The following PIEZO2 variants were observed in gnomAD, a reference collection of about 807,000 sequenced individuals.
PIEZO2 encodes the protein piezo-type mechanosensitive ion channel component 2.
Under a neutral mutation model 337.3 loss-of-function variants are expected in PIEZO2, and 172 were observed. The observed-to-expected ratio is 0.51, with a 90% CI of 0.45 to 0.58. The LOEUF (loss-of-function observed/expected upper bound fraction) is 0.58, where lower values mean the gene tolerates loss of function less well. Among genes scored for constraint, PIEZO2 ranks in the 20% least tolerant of loss-of-function variants. The pLI is 0.00. For synonymous variants in PIEZO2, 1,251 were observed against 1,228.5 expected (o/e 1.02, Z -0.38); for missense variants, 3,028 against 3,391.3 (o/e 0.89, Z 2.66).
At chr18:10,704,987 G>T (rs112589577) in intron 41 of PIEZO2, among the ~76,000 whole-genome samples, 3 of 152,112 alleles carry the variant, frequency 2.0e-5, no homozygotes, top group Non-Finnish European at 2.9e-5. Context: ...CACTGCGCCC[G>T]GCCATGCCTT....
In PIEZO2 at chr18:10,766,188, G is replaced by T. The variant is rs1200023544; in HGVS notation, c.2947-3090C>A. Reference sequence around the variant, plus strand: ...TCATGATCTCATCATTTTCCTGATGGTAAGAATCTCGTGGAAGGAAAGAAG... The same window carrying T: ...TCATGATCTCATCATTTTCCTGATGTTAAGAATCTCGTGGAAGGAAAGAAG... On this transcript the variant is annotated intron_variant, in intron 21 of 55. Transcript: ENST00000674853. The surrounding 1 kb of genome is among the most constrained non-coding windows in gnomAD (Gnocchi z 6.1). 2.0e-5 allele frequency among the ~76,000 whole-genome samples: 3 copies of T among 151,616 alleles called. No individual in the cohort carries two copies. The highest frequency in any genetic ancestry group is 2.4e-5 in the African/African-American group (1 of 41,268).
Position 11,047,408 on chromosome 18 carries a change from C to T in PIEZO2, c.160+18719G>A, listed in dbSNP as rs901432789. On this transcript the variant is annotated intron_variant, in intron 2 of 55. Transcript: ENST00000674853. The surrounding 1 kb of genome is among the most constrained non-coding windows in gnomAD (Gnocchi z 7.2). ...AGTGCAGCAAAGGCTCCTGCCTATC[C>T]CACAAGACGGCCCGGGGGAATTGTC... Among the ~76,000 whole-genome samples, 7 of 152,118 alleles carry T rather than the reference C, an allele frequency of 4.6e-5. No individual in the cohort carries two copies. The highest frequency in any genetic ancestry group is 1.4e-4 in the African/African-American group (6 of 41,410).
intron 2 of PIEZO2, among the ~76,000 whole-genome samples, chr18:11,018,381 T>TGGTG (rs2036195919): frequency 1.0e-5 from 1 of 97,190 alleles, no homozygotes; most frequent in African/African-American, 3.8e-5. Flanking sequence ...TCCCAACATG[T>TGGTG]CGTGTGTGTG....
chr18:10,704,138 T>G (rs1213862312), intron 42 of PIEZO2, among the ~76,000 whole-genome samples: 1 of 152,202 alleles, frequency 6.6e-6, no homozygotes, highest in Non-Finnish European at 1.5e-5. Flanking sequence ...TGTCCTTATC[T>G]GTTAAATGGG....
rs545373512 is a variant in PIEZO2, at chr18:10,973,944, G to A, written c.286+5591C>T. Among the ~76,000 whole-genome samples, 1 of 152,300 alleles carries A rather than the reference G, an allele frequency of 6.6e-6. No homozygotes were observed. Among genetic ancestry groups the A allele is most frequent in the African/African-American group, 2.4e-5 (1 of 41,566 alleles). Reference sequence around the variant, plus strand: ...CATTTGTGTGAGAATGGAATTATTTGTATGAGGATGGATCCACCAGGTGAT... The same window carrying A: ...CATTTGTGTGAGAATGGAATTATTTATATGAGGATGGATCCACCAGGTGAT... On this transcript the variant is annotated intron_variant, in intron 3 of 55. Transcript: ENST00000674853. The surrounding 1 kb of genome is among the most constrained non-coding windows in gnomAD (Gnocchi z 4.9).
chr18:10,802,987 A>AC (rs1300322101), intron 9 of PIEZO2, among the ~76,000 whole-genome samples: 1 of 151,662 alleles, frequency 6.6e-6, no homozygotes, highest in Non-Finnish European at 1.5e-5. Flanking sequence ...AAAAAAAAAA[A>AC]AGGTATTTTA....
intron 7 of PIEZO2, among the ~76,000 whole-genome samples, chr18:10,838,325 A>C (rs1039396617): frequency 6.6e-6 from 1 of 152,184 alleles, no homozygotes; most frequent in East Asian, 1.9e-4. Flanking sequence ...TTTCCATGCC[A>C]AACCCATAGA....
intron 4 of PIEZO2, among the ~76,000 whole-genome samples, chr18:10,884,420 T>C (rs569183755): frequency 1.3e-5 from 2 of 152,332 alleles, no homozygotes; most frequent in Admixed American, 6.5e-5. Context: ...CCAACCCTAG[T>C]TATTCTTATA....
intron 2 of PIEZO2, among the ~76,000 whole-genome samples, chr18:11,061,203 CA>C (rs1162190694): frequency 2.0e-4 from 30 of 152,128 alleles, no homozygotes; most frequent in African/African-American, 6.7e-4. Flanking sequence ...CAAAATTCAA[CA>C]ACCCTTCATG....
intron 3 of PIEZO2, among the ~76,000 whole-genome samples, chr18:10,951,433 A>G (rs967601503): frequency 1.3e-5 from 2 of 152,132 alleles, no homozygotes; most frequent in South Asian, 4.1e-4. Context: ...TCTGCCTCCA[A>G]TGCCCAAATC....
At position 11,101,877 on chromosome 18, in the gene PIEZO2, G is replaced by A. The variant is rs1328789510; in HGVS notation, c.65-35655C>T. Among the ~76,000 whole-genome samples the A allele has an allele frequency of 6.6e-6, 1 of 152,126 alleles. No homozygotes were observed. The highest frequency in any genetic ancestry group is 2.4e-5 in the African/African-American group (1 of 41,412). On this transcript the variant is annotated intron_variant, in intron 1 of 55. Transcript: ENST00000674853. This position sits in a 1 kb window ranked among gnomAD's most constrained non-coding sequence, Gnocchi z 4.4. ...TACTCTTGTACTATACTACTTATAA[G>A]CTATCAAATTTGAAACCACACACTA... is the stretch of plus-strand genomic sequence containing the variant.
At chr18:11,100,054 AT>A (rs1450430031) in intron 1 of PIEZO2, among the ~76,000 whole-genome samples, 2 of 152,202 alleles carry the variant, frequency 1.3e-5, no homozygotes, top group Admixed American at 6.5e-5. Context: ...GTATTTTAAA[AT>A]GCATCAACAT....
chr18:11,013,900 G>A (rs778566514), intron 2 of PIEZO2, among the ~76,000 whole-genome samples: 11 of 152,136 alleles, frequency 7.2e-5, no homozygotes, highest in African/African-American at 2.2e-4. Context: ...AGTAGAGGTC[G>A]TTCAAATACA....
intron 1 of PIEZO2, among the ~76,000 whole-genome samples, chr18:11,141,818 T>C (rs1046422420): frequency 6.6e-6 from 1 of 152,090 alleles, no homozygotes; most frequent in Non-Finnish European, 1.5e-5. Context: ...TGAGTTTGGG[T>C]TGCAGAATGA....
At chr18:10,805,347 C>G (rs199929844) in intron 8 of PIEZO2, among the ~76,000 whole-genome samples, 2 of 152,152 alleles carry the variant, frequency 1.3e-5, no homozygotes, top group Non-Finnish European at 2.9e-5. Context: ...AACCCCGTCT[C>G]TACTAAAAAT....
rs2143890957 is a variant in PIEZO2, at chr18:10,716,169, G to A, written c.5090-353C>T. ...AGTAAAAGTTACTCCAAATGTGCCT[G>A]CCTCTTCTGTTTCCCCTTCCACCTT... On this transcript the variant is annotated intron_variant, in intron 37 of 55. Coordinates refer to ENST00000674853, the MANE Select transcript of PIEZO2 (RefSeq NM_001378183.1). This position sits in a 1 kb window ranked among gnomAD's most constrained non-coding sequence, Gnocchi z 4.1. 6.6e-6 allele frequency among the ~76,000 whole-genome samples: 1 copy of A among 152,268 alleles called. No homozygotes were observed. Among genetic ancestry groups the A allele is most frequent in the East Asian group, 1.9e-4 (1 of 5,184 alleles).
chr18:10,836,999 T>A (rs2041036001), intron 7 of PIEZO2, among the ~76,000 whole-genome samples: 1 of 152,222 alleles, frequency 6.6e-6, no homozygotes. Flanking sequence ...TACTCACAAC[T>A]GTGGTTTGGT....
chr18:10,688,864 C>T (rs888342726), intron 49 of PIEZO2, among the ~76,000 whole-genome samples: 4 of 152,140 alleles, frequency 2.6e-5, no homozygotes, highest in Non-Finnish European at 5.9e-5. Flanking sequence ...GTCAACTCCT[C>T]TGCTCCTTAG....
At chr18:10,711,655 AG>A (rs1018211451) in intron 39 of PIEZO2, among the ~76,000 whole-genome samples, 4 of 152,186 alleles carry the variant, frequency 2.6e-5, no homozygotes, top group Admixed American at 6.5e-5. Flanking sequence ...GCAAGAAGGG[AG>A]GTTAAAAAAA....
Sources: allele counts gnomAD v4.1 joint callset (sites outside exome capture counted in the v4.1 genomes callset), GRCh38; gene constraint gnomAD v4.1.1; non-coding constraint Gnocchi (gnomAD v3.1); transcripts MANE v1.5; gene names NCBI Gene and HGNC (gene_info 2026-07-23, HGNC 2026-07-21).